Variants in GK observed in about 807,000 individuals in gnomAD.
The protein encoded by GK is glycerol kinase, also known as ATP:glycerol 3-phosphotransferase.
In GK, 9 loss-of-function variants were observed where a neutral mutation model predicts 56.4. That is an observed-to-expected ratio of 0.16 (90% confidence interval 0.10 to 0.28). GK has a LOEUF of 0.28. GK is among the 10% of genes least tolerant of loss of function. The pLI is 1.00. For synonymous variants in GK, 104 were observed against 144.1 expected, an observed-to-expected ratio of 0.72 and a Z score of 1.99; for missense variants, 161 against 431.4, an observed-to-expected ratio of 0.37 and a Z score of 5.55.
intron 2 of GK, among the ~76,000 whole-genome samples, chrX:30,667,132 C>A (rs1374777115): frequency 5.5e-5 from 6 of 109,279 alleles, no homozygotes; most frequent in Non-Finnish European, 7.6e-5. Flanking sequence ...CCAGCCTGGA[C>A]GACAGAGCGA....
intron 4 of GK, among the ~76,000 whole-genome samples, chrX:30,686,193 C>T (rs1284180491): frequency 8.9e-6 from 1 of 112,801 alleles, no homozygotes; most frequent in Non-Finnish European, 1.9e-5. Flanking sequence ...ACTTTTGGCC[C>T]CACCTGTTTC....
chrX:30,662,446 G>A (rs960308097), intron 1 of GK, among the ~76,000 whole-genome samples: 2 of 111,681 alleles, frequency 1.8e-5, no homozygotes, highest in Non-Finnish European at 3.8e-5. Flanking sequence ...TCCAAATGTT[G>A]TTTGATTGGA....
intron 4 of GK, among the ~76,000 whole-genome samples, chrX:30,684,143 CG>C (rs1355671651): frequency 1.8e-5 from 2 of 112,018 alleles, no homozygotes; most frequent in African/African-American, 6.5e-5. Context: ...AAATGTGAAG[CG>C]GGAGAAGGCT....
At chrX:30,689,888 C>G (rs56127344) in intron 4 of GK, among the ~76,000 whole-genome samples, 2,396 of 111,845 alleles carry the variant, frequency 0.021, 36 homozygotes, top group Non-Finnish European at 0.032. Context: ...TTTTCATGGT[C>G]TTTCTCTTTT....
intron 11 of GK, among the ~76,000 whole-genome samples, chrX:30,704,633 A>G (rs1935889416): frequency 9.3e-6 from 1 of 107,562 alleles, no homozygotes; most frequent in Non-Finnish European, 1.9e-5. Flanking sequence ...GTGCAGTGGC[A>G]TGATCTCAAC....
intron 16 of GK, 39 bp downstream of exon 16, chrX:30,720,134 T>G: frequency 1.2e-6 from 1 of 814,315 alleles, no homozygotes; most frequent in Non-Finnish European, 1.9e-6. Flanking sequence ...CTTAGTTCAC[T>G]TTTATCACTC....
At chrX:30,677,237 T>TA in intron 3 of GK, 138 bp from the exon 4 acceptor site, 1 of 501,203 alleles carries the variant, frequency 2.0e-6, no homozygotes, top group Non-Finnish European at 3.6e-6. Context: ...AATAAACTAA[T>TA]ATCACTACAA....
chrX:30,707,568 A>G lies in GK; in HGVS notation c.864A>G (p.Gly288=). 1 of 1,114,372 alleles carries G rather than the reference A, an allele frequency of 9.0e-7. No homozygotes were observed. The highest frequency in any genetic ancestry group is 1.2e-6 in the Non-Finnish European group (1 of 808,036). 91.8% of individuals were successfully genotyped at this position (1,114,372 alleles called of 1,213,427 possible). A position where few individuals can be genotyped will look rare whatever the true frequency, so the allele number is the denominator to read the frequency against. ...CCTTCAACCATAGGTATGGAACAGG[A>G]TGTTTCTTACTATGTAATACAGGCC... ...IGQAKNTYGT[G]CFLLCNTGHK... The change falls in exon 12 of 21, where the codon GGA becomes GGG. Residue 288 remains glycine, a synonymous_variant. Transcript: ENST00000427190.
chrX:30,697,880 T>C, intron 9 of GK, 131 bp downstream of exon 9: 1 of 547,011 alleles, frequency 1.8e-6, no homozygotes, highest in East Asian at 3.3e-5. Context: ...CCTTCCAAAT[T>C]ATTATAAGCT....
intron 5 of GK, among the ~76,000 whole-genome samples, chrX:30,692,202 C>A (rs1934974791): frequency 9.0e-6 from 1 of 111,211 alleles, no homozygotes; most frequent in Admixed American, 9.6e-5. Flanking sequence ...TCCGTCCCCC[C>A]ACAATAACTT....
At chrX:30,701,987 A>G in intron 11 of GK, among the ~76,000 whole-genome samples, 1 of 110,385 alleles carries the variant, frequency 9.1e-6, no homozygotes, top group Non-Finnish European at 1.9e-5. Flanking sequence ...ACCAATCACT[A>G]TATTTATTTG....
intron 19 of GK, among the ~76,000 whole-genome samples, 159 bp downstream of exon 19, chrX:30,724,340 C>T (rs912288337): frequency 8.9e-6 from 1 of 112,291 alleles, no homozygotes; most frequent in Non-Finnish European, 1.9e-5. Context: ...GTTCTAAACA[C>T]AAAATGTAAA....
chrX:30,683,554 A>G (rs189283226), intron 4 of GK, among the ~76,000 whole-genome samples: 42 of 111,690 alleles, frequency 3.8e-4, no homozygotes, highest in African/African-American at 1.3e-3. Context: ...CATAGGCTTG[A>G]TGAAGGTAAA....
intron 3 of GK, chrX:30,671,567 C>T (rs1159467969): frequency 8.9e-6 from 1 of 111,822 alleles, no homozygotes; most frequent in African/African-American, 3.3e-5. Flanking sequence ...ATTTATAGTC[C>T]TACCTGACAG....
chrX:30,710,311 T>A (rs1199957142), intron 13 of GK, among the ~76,000 whole-genome samples: 2 of 111,908 alleles, frequency 1.8e-5, no homozygotes, highest in African/African-American at 6.5e-5. Context: ...AGTGTTGTTG[T>A]CACTGCATCT....
In GK at chrX:30,730,870, A is replaced by G. The variant is rs2147281913; in HGVS notation, c.*2128A>G. 8.9e-6 allele frequency: 1 copy of G among 112,033 alleles called. No homozygotes were observed. The highest frequency in any genetic ancestry group is 2.8e-4 in the East Asian group (1 of 3,581). 9.2% of individuals were successfully genotyped at this position (112,033 alleles called of 1,213,427 possible). A position where few individuals can be genotyped will look rare whatever the true frequency, so the allele number is the denominator to read the frequency against. ...TAGGGCACACTCTGAAGAGTTAACC[A>G]ACAGCCAAAGAAGTAATTTCTGTAA... On this transcript the variant is annotated 3_prime_UTR_variant, in exon 21 of 21. Transcript: ENST00000427190.
Position 30,724,107 on chromosome X carries a change from A to C in GK, c.1508A>C (p.Glu503Ala), listed in dbSNP as rs146142647. Residue 503 changes from glutamate (E) to alanine (A), a missense_variant, in exon 19 of 21, where the codon GAA becomes GCA. Glu to Ala is a moderately radical substitution (Grantham distance 107, BLOSUM62 -1). Transcript: ENST00000427190. Reference sequence around the variant, plus strand: ...TTCTACCTTCTAATTCTAGAAAGTGAAATTCGTTATTCTACATGGAAGAAA... The same window carrying C: ...TTCTACCTTCTAATTCTAGAAAGTGCAATTCGTTATTCTACATGGAAGAAA... ...FEPQINAEES[E>A]IRYSTWKKAV... is the part of the protein sequence containing the mutation. The C allele has an allele frequency of 8.6e-7, 1 of 1,157,856 alleles. No individual in the cohort carries two copies. The highest frequency in any genetic ancestry group is 1.2e-6 in the Non-Finnish European group (1 of 848,647).
At chrX:30,673,944 C>T (rs181126489) in intron 3 of GK, among the ~76,000 whole-genome samples, 249 of 111,420 alleles carry the variant, frequency 2.2e-3, no homozygotes, top group Non-Finnish European at 2.7e-3. Context: ...AAATTACATT[C>T]ACAATATGTA....
rs769703845 is a variant in GK, at chrX:30,665,567, A to G, written c.135A>G (p.Gln45=). The G allele has an allele frequency of 9.1e-7, 1 of 1,104,342 alleles. No individual in the cohort carries two copies. Among genetic ancestry groups the G allele is most frequent in the South Asian group, 1.8e-5 (1 of 54,498 alleles). 91.0% of individuals were successfully genotyped at this position (1,104,342 alleles called of 1,213,427 possible). A position where few individuals can be genotyped will look rare whatever the true frequency, so the allele number is the denominator to read the frequency against. Residue 45 remains glutamine (Q), a synonymous_variant, in exon 2 of 21, where the codon CAA becomes CAG. Coordinates refer to ENST00000427190, the MANE Select transcript of GK (RefSeq NM_001205019.2). The stretch of plus-strand genomic sequence containing the variant: ...GTCATCATCAAGTAGAAATAAAACA[A>G]GAGTTCCCAAGAGAAGGGTATGTTT... ...LLSHHQVEIK[Q]EFPREGWVEQ...
Sources: gnomAD v4.1 joint callset for allele counts (sites outside exome capture counted in the v4.1 genomes callset) on GRCh38, gnomAD v4.1.1 for gene constraint, MANE v1.5 for transcripts, NCBI Gene and HGNC (gene_info 2026-07-23, HGNC 2026-07-21) for gene names.